The following CHST9 variants were observed in gnomAD, a reference collection of about 807,000 sequenced individuals.
The protein encoded by CHST9 is carbohydrate sulfotransferase 9, also known as GalNAc-4-sulfotransferase 2.
In CHST9, 41 loss-of-function variants were observed where a neutral mutation model predicts 44.4. The ratio of observed to expected loss-of-function variants is 0.92; its 90% confidence interval spans 0.72 to 1.20. CHST9 has a LOEUF of 1.20. Ranked by LOEUF, CHST9 falls within the 50% of genes most tolerant of loss-of-function variation. The probability of loss-of-function intolerance (pLI) is 0.00; values close to 1 mark genes in which losing one functional copy is unlikely to be tolerated. For synonymous variants in CHST9, 171 were observed against 178.4 expected, an observed-to-expected ratio of 0.96 and a Z score of 0.33; for missense variants, 504 against 516.5, an observed-to-expected ratio of 0.98 and a Z score of 0.23.
chr18:26,918,608 TC>T (rs1372056293), intron 5 of CHST9, among the ~76,000 whole-genome samples: 1 of 152,072 alleles, frequency 6.6e-6, no homozygotes, highest in African/African-American at 2.4e-5. Context: ...TATAATAATT[TC>T]TCTCAAATAT....
At position 26,914,648 on chromosome 18, in the gene CHST9, T is replaced by C. The variant is rs2055487068; in HGVS notation, c.*1611A>G. Reference sequence around the variant, plus strand: ...AGCCCATTGCAGTTTACTTACTCCTTAGGAGACACAGATGGGACACGGCAG... The same window carrying C: ...AGCCCATTGCAGTTTACTTACTCCTCAGGAGACACAGATGGGACACGGCAG... On this transcript the variant is annotated 3_prime_UTR_variant, in exon 6 of 6. Coordinates refer to ENST00000618847, the MANE Select transcript of CHST9 (RefSeq NM_031422.6). 1 of 324,566 alleles carries C rather than the reference T, an allele frequency of 3.1e-6. No individual in the cohort carries two copies. Among genetic ancestry groups the C allele is most frequent in the Non-Finnish European group, 5.6e-6 (1 of 180,040 alleles). The allele number at this position is 324,566 out of a possible 1,614,324, so 20.1% of individuals were successfully genotyped here.
chr18:27,091,564 A>G (rs2058069206), intron 2 of CHST9, among the ~76,000 whole-genome samples: 1 of 152,130 alleles, frequency 6.6e-6, no homozygotes, highest in Non-Finnish European at 1.5e-5. Context: ...CCCATTCAGT[A>G]TGATATTGGC....
At chr18:27,112,597 G>GTGTGTGTGTGTGTGTGTGTT (rs1555624905) in intron 2 of CHST9, among the ~76,000 whole-genome samples, 10 of 150,508 alleles carry the variant, frequency 6.6e-5, no homozygotes, top group African/African-American at 2.4e-4. Flanking sequence ...GTGTGTGTGT[G>GTGTGTGTGTGTGTGTGTGTT]TGTGTGTGTG....
chr18:27,138,541 G>T (rs72884369), intron 2 of CHST9, among the ~76,000 whole-genome samples: 12,994 of 151,354 alleles, frequency 0.086, 583 homozygotes, highest in East Asian at 0.14. Context: ...CACAAGCTTG[G>T]GCACAATTGA....
chr18:27,176,666 C>T (rs1040423526), intron 1 of CHST9, among the ~76,000 whole-genome samples: 1 of 151,868 alleles, frequency 6.6e-6, no homozygotes, highest in Non-Finnish European at 1.5e-5. Context: ...TTCTGAGCTG[C>T]GATTATGTTT....
intron 5 of CHST9, chr18:26,930,906 A>C (rs2055865573): frequency 8.6e-6 from 1 of 115,662 alleles, no homozygotes; most frequent in Non-Finnish European, 1.6e-5. Flanking sequence ...GCATAGCCCA[A>C]GTCTCAGGAA....
At chr18:27,039,427 C>T (rs2143525244) in intron 3 of CHST9, among the ~76,000 whole-genome samples, 1 of 151,184 alleles carries the variant, frequency 6.6e-6, no homozygotes, top group Non-Finnish European at 1.5e-5. Flanking sequence ...TTGTATGATT[C>T]TACTTATATA....
intron 1 of CHST9, chr18:27,147,799 C>T (rs2058625566): frequency 6.6e-6 from 1 of 152,058 alleles, no homozygotes. Flanking sequence ...ACAGTGATCA[C>T]CTAATATGTG....
At chr18:27,112,578 C>CGTGTGTGTGTGT (rs35249332) in intron 2 of CHST9, among the ~76,000 whole-genome samples, 6 of 140,466 alleles carry the variant, frequency 4.3e-5, no homozygotes, top group African/African-American at 1.6e-4. Context: ...GGATATTCAA[C>CGTGTGTGTGTGT]GTGTGTGTGT....
In CHST9 at chr18:26,980,719, A is replaced by T. The variant is rs192175068; in HGVS notation, c.203-36353T>A. ...AGTCCTATCAGTGCTAAATCTGTTTAAAAAAAGTCCACACTTTTCTTGGGG... is the reference window on the plus strand; with the variant it reads ...AGTCCTATCAGTGCTAAATCTGTTTTAAAAAAGTCCACACTTTTCTTGGGG... On this transcript the variant is annotated intron_variant, in intron 4 of 5. Transcript: ENST00000618847. 5.5e-4 allele frequency among the ~76,000 whole-genome samples: 84 copies of T among 152,276 alleles called. 2 individuals are homozygous for T. In the East Asian group the frequency reaches 0.013, roughly 24 times the overall value.
chr18:26,989,120 G>T (rs2056787104), intron 4 of CHST9, among the ~76,000 whole-genome samples: 1 of 151,934 alleles, frequency 6.6e-6, no homozygotes, highest in African/African-American at 2.4e-5. Flanking sequence ...CCCAAATTAA[G>T]CAGAAGAAAG....
chr18:26,950,070 A>G (rs1049141885), intron 4 of CHST9, among the ~76,000 whole-genome samples: 1 of 152,184 alleles, frequency 6.6e-6, no homozygotes, highest in Non-Finnish European at 1.5e-5. Context: ...GTTTTAAGCC[A>G]CAGAGTTTTT....
chr18:27,041,869 T>G (rs964316776), intron 3 of CHST9, among the ~76,000 whole-genome samples: 9 of 152,178 alleles, frequency 5.9e-5, no homozygotes, highest in African/African-American at 2.2e-4. Flanking sequence ...AGCCCAAGTG[T>G]AAGTCTTCCA....
intron 2 of CHST9, among the ~76,000 whole-genome samples, chr18:27,064,591 T>G (rs1598691089): frequency 1.3e-5 from 2 of 152,332 alleles, no homozygotes; most frequent in East Asian, 3.9e-4. Flanking sequence ...GGTGCATTTT[T>G]CCATTTAAAA....
At chr18:26,968,012 G>C (rs752474754) in intron 4 of CHST9, among the ~76,000 whole-genome samples, 1 of 152,120 alleles carries the variant, frequency 6.6e-6, no homozygotes, top group Non-Finnish European at 1.5e-5. Flanking sequence ...TCAGGCCTTC[G>C]GCCGCAGACT....
intron 4 of CHST9, among the ~76,000 whole-genome samples, chr18:27,008,400 A>G (rs2057043165): frequency 6.6e-6 from 1 of 152,230 alleles, no homozygotes; most frequent in Non-Finnish European, 1.5e-5. Flanking sequence ...ATTAATAACA[A>G]CAATCAAGTA....
At chr18:26,968,858 T>C (rs2056500109) in intron 4 of CHST9, among the ~76,000 whole-genome samples, 1 of 152,206 alleles carries the variant, frequency 6.6e-6, no homozygotes, top group African/African-American at 2.4e-5. Flanking sequence ...AGGTGGCTGG[T>C]CAGTTTTGCT....
chr18:27,159,709 T>A (rs1281749667), intron 1 of CHST9, among the ~76,000 whole-genome samples: 2 of 152,096 alleles, frequency 1.3e-5, no homozygotes, highest in African/African-American at 4.8e-5. Flanking sequence ...CAGTATGGCC[T>A]TCTTCACGAT....
At chr18:27,157,105 G>A (rs1371155459) in intron 1 of CHST9, among the ~76,000 whole-genome samples, 1 of 151,962 alleles carries the variant, frequency 6.6e-6, no homozygotes, top group East Asian at 1.9e-4. Context: ...TAGAAGTATT[G>A]TATTTATAGA....
Sources: gnomAD v4.1 joint callset for allele counts (sites outside exome capture counted in the v4.1 genomes callset) on GRCh38, gnomAD v4.1.1 for gene constraint, MANE v1.5 for transcripts, NCBI Gene and HGNC (gene_info 2026-07-23, HGNC 2026-07-21) for gene names.